The following ZNF423 variants were observed in gnomAD, a reference collection of about 807,000 sequenced individuals.
ZNF423 encodes the protein Ebf-associated zinc finger protein.
In ZNF423, 12 loss-of-function variants were observed where a neutral mutation model predicts 95.8. The ratio of observed to expected loss-of-function variants is 0.13; its 90% confidence interval spans 0.08 to 0.20. The LOEUF (loss-of-function observed/expected upper bound fraction) is 0.20, where lower values mean the gene tolerates loss of function less well. Among genes scored for constraint, ZNF423 ranks in the 10% least tolerant of loss-of-function variants. The pLI, the probability that ZNF423 is intolerant of heterozygous loss-of-function variation, is 1.00. For missense variants in ZNF423, 1,316 were observed against 1,737.1 expected, an observed-to-expected ratio of 0.76 and a Z score of 4.31; for synonymous variants, 749 against 711.9, an observed-to-expected ratio of 1.05 and a Z score of -0.83.
intron 7 of ZNF423, among the ~76,000 whole-genome samples, chr16:49,514,246 G>GCACA (rs757863199): frequency 7.2e-6 from 1 of 139,044 alleles, no homozygotes; most frequent in African/African-American, 2.7e-5. Flanking sequence ...ACACGCACAC[G>GCACA]CACACACACA....
intron 4 of ZNF423, among the ~76,000 whole-genome samples, chr16:49,627,095 A>C (rs1283682867): frequency 3.0e-5 from 3 of 100,470 alleles, no homozygotes; most frequent in Admixed American, 9.8e-5. Flanking sequence ...CATCTACATA[A>C]TACCCACCCA....
At chr16:49,530,297 T>G (rs1238697663) in intron 5 of ZNF423, among the ~76,000 whole-genome samples, 1 of 152,054 alleles carries the variant, frequency 6.6e-6, no homozygotes, top group African/African-American at 2.4e-5. Flanking sequence ...GGACACCTCC[T>G]CAGGGAGGCC....
intron 6 of ZNF423, among the ~76,000 whole-genome samples, 173 bp downstream of exon 6, chr16:49,525,190 G>C (rs943202514): frequency 2.6e-5 from 4 of 152,186 alleles, no homozygotes; most frequent in African/African-American, 4.8e-5. Context: ...GCTCTGAACT[G>C]AGGGACGTGG....
intron 1 of ZNF423, among the ~76,000 whole-genome samples, chr16:49,800,895 C>T (rs961299952): frequency 2.0e-5 from 3 of 152,184 alleles, no homozygotes; most frequent in Non-Finnish European, 2.9e-5. Flanking sequence ...AAAGGGGAGC[C>T]GTGAACACCC....
chr16:49,852,758 T>TC (rs1303951654), intron 1 of ZNF423, among the ~76,000 whole-genome samples: 2 of 151,500 alleles, frequency 1.3e-5, no homozygotes, highest in South Asian at 2.1e-4. Context: ...GAGGCTATTC[T>TC]CCCCCCTCCC....
chr16:49,725,236 T>TGA (rs1304664491), intron 3 of ZNF423, among the ~76,000 whole-genome samples: 1 of 152,058 alleles, frequency 6.6e-6, no homozygotes, highest in East Asian at 1.9e-4. Context: ...AAATTAAAAA[T>TGA]GAGCCAGGTA....
At chr16:49,827,658 G>C (rs1265306367) in intron 1 of ZNF423, among the ~76,000 whole-genome samples, 1 of 152,180 alleles carries the variant, frequency 6.6e-6, no homozygotes, top group African/African-American at 2.4e-5. Context: ...TGGGACTACA[G>C]GCATGTGCCA....
In ZNF423 at chr16:49,638,887, G is replaced by A; in HGVS notation, c.302-13C>T. On this transcript the variant is annotated splice_polypyrimidine_tract_variant and intron_variant, in intron 3 of 7. Transcript: ENST00000563137. The surrounding 1 kb of genome is among the most constrained non-coding windows in gnomAD (Gnocchi z 5.6). ...TCGTCATCACCATCTGCAAGAGAAG[G>A]CAGAGAGGATATTAGAGGCAATTCC... 4 of 1,591,956 alleles carry A rather than the reference G, an allele frequency of 2.5e-6. No individual in the cohort carries two copies. The highest frequency in any genetic ancestry group is 3.4e-6 in the Non-Finnish European group (4 of 1,168,010).
chr16:49,767,997 G>C (rs1192023695), intron 2 of ZNF423, among the ~76,000 whole-genome samples: 2 of 152,232 alleles, frequency 1.3e-5, no homozygotes, highest in Non-Finnish European at 2.9e-5. Flanking sequence ...GCCCTTGAAG[G>C]CATCTTATTA....
chr16:49,812,830 A>G (rs1184446530), intron 1 of ZNF423, among the ~76,000 whole-genome samples: 1 of 152,086 alleles, frequency 6.6e-6, no homozygotes, highest in African/African-American at 2.4e-5. Context: ...AAATACACGA[A>G]TTTTCATGTG....
chr16:49,778,143 C>T (rs1312143181), intron 2 of ZNF423, among the ~76,000 whole-genome samples: 1 of 152,134 alleles, frequency 6.6e-6, no homozygotes, highest in African/African-American at 2.4e-5. Context: ...ATTTTTTGAA[C>T]CAGAGAGGCA....
At position 49,619,050 on chromosome 16, in the gene ZNF423, A is replaced by G. The variant is rs145018374; in HGVS notation, c.3601+7120T>C. On this transcript the variant is annotated intron_variant, in intron 5 of 7. Coordinates refer to ENST00000563137, the MANE Select transcript of ZNF423 (RefSeq NM_001379286.1). Reference sequence around the variant, plus strand: ...CATACTACATGGACCTCTTTTCTCTATAATTGGCTTGTACTAGTTTCTTTG... The same window carrying G: ...CATACTACATGGACCTCTTTTCTCTGTAATTGGCTTGTACTAGTTTCTTTG... Among the ~76,000 whole-genome samples, 370 of 152,196 alleles carry G rather than the reference A, an allele frequency of 2.4e-3. 2 individuals carry two copies. The highest frequency in any genetic ancestry group is 7.9e-3 in the African/African-American group (327 of 41,514).
At chr16:49,765,505 G>A (rs569852486) in intron 2 of ZNF423, among the ~76,000 whole-genome samples, 2 of 151,858 alleles carry the variant, frequency 1.3e-5, no homozygotes, top group South Asian at 4.2e-4. Flanking sequence ...GATCCCAGGA[G>A]TTTGAGACGA....
At chr16:49,633,779 C>T (rs143779731) in intron 4 of ZNF423, among the ~76,000 whole-genome samples, 1 of 152,200 alleles carries the variant, frequency 6.6e-6, no homozygotes, top group Non-Finnish European at 1.5e-5. Context: ...CTGGCTCAGA[C>T]AAAGGGTCCT....
At chr16:49,768,572 G>A (rs927077751) in intron 2 of ZNF423, among the ~76,000 whole-genome samples, 2 of 152,058 alleles carry the variant, frequency 1.3e-5, no homozygotes. Flanking sequence ...GGACCTGCCC[G>A]CTCCCAGTTT....
In ZNF423 at chr16:49,490,212, C is replaced by T. The variant is rs1009506974; in HGVS notation, c.*1063G>A. On this transcript the variant is annotated 3_prime_UTR_variant, in exon 8 of 8. Coordinates refer to ENST00000563137, the MANE Select transcript of ZNF423 (RefSeq NM_001379286.1). ...GAGTCCTGGCAAGGGAAGGGCTACCCACTTGCCTGCCTGTATCCAACAAAG... is the reference window on the plus strand; with the variant it reads ...GAGTCCTGGCAAGGGAAGGGCTACCTACTTGCCTGCCTGTATCCAACAAAG... The T allele has an allele frequency of 2.6e-5, 4 of 152,294 alleles. No homozygotes were observed. The highest frequency in any genetic ancestry group is 6.5e-5 in the Admixed American group (1 of 15,292). 9.4% of individuals were successfully genotyped at this position (152,294 alleles called of 1,614,324 possible). A position where few individuals can be genotyped will look rare whatever the true frequency, so the allele number is the denominator to read the frequency against.
At chr16:49,849,810 T>C (rs1432722953) in intron 1 of ZNF423, among the ~76,000 whole-genome samples, 1 of 152,190 alleles carries the variant, frequency 6.6e-6, no homozygotes, top group East Asian at 1.9e-4. Context: ...GCTCCGACAT[T>C]GTGTAATTGA....
intron 3 of ZNF423, among the ~76,000 whole-genome samples, chr16:49,651,787 G>A (rs112552025): frequency 0.019 from 2,565 of 136,960 alleles, 70 homozygotes; most frequent in African/African-American, 0.062. Flanking sequence ...ACCATAAGGT[G>A]GTCACAGGAC....
intron 1 of ZNF423, among the ~76,000 whole-genome samples, chr16:49,808,055 TC>T (rs2034692901): frequency 2.1e-5 from 3 of 144,992 alleles, no homozygotes; most frequent in Admixed American, 2.0e-4. Flanking sequence ...TAACAATTTT[TC>T]TTTCTTTTTT....
Sources: gnomAD v4.1 joint callset for allele counts (sites outside exome capture counted in the v4.1 genomes callset) on GRCh38, gnomAD v4.1.1 for gene constraint, Gnocchi (gnomAD v3.1) non-coding constraint, MANE v1.5 for transcripts, NCBI Gene and HGNC (gene_info 2026-07-23, HGNC 2026-07-21) for gene names.